CDKAL1: variants seen among roughly 807,000 people sequenced by gnomAD.
The protein encoded by CDKAL1 is CDKAL1 threonylcarbamoyladenosine tRNA methylthiotransferase, also known as threonylcarbamoyladenosine tRNA methylthiotransferase.
Under a neutral mutation model 68.2 loss-of-function variants are expected in CDKAL1, and 32 were observed. The observed-to-expected ratio is 0.47, with a 90% CI of 0.35 to 0.63. CDKAL1 has a LOEUF of 0.63. Among genes scored for constraint, CDKAL1 ranks in the 30% least tolerant of loss-of-function variants. The pLI is 0.00. For synonymous variants in CDKAL1, 234 were observed against 244.3 expected (o/e 0.96, Z 0.39); for missense variants, 606 against 696.7 (o/e 0.87, Z 1.47).
intron 10 of CDKAL1, among the ~76,000 whole-genome samples, chr6:20,963,342 C>T (rs1019918785): frequency 6.6e-6 from 1 of 151,972 alleles, no homozygotes; most frequent in Non-Finnish European, 1.5e-5. Context: ...TCTGCCCATA[C>T]CTGGGTCTCG....
intron 4 of CDKAL1, among the ~76,000 whole-genome samples, chr6:20,630,518 T>G (rs1198152026): frequency 6.6e-6 from 1 of 152,092 alleles, no homozygotes; most frequent in Admixed American, 6.5e-5. Context: ...TTTTTCTACC[T>G]TTTCATGAAG....
At chr6:20,772,409 T>C (rs928901608) in intron 7 of CDKAL1, among the ~76,000 whole-genome samples, 8 of 152,190 alleles carry the variant, frequency 5.3e-5, no homozygotes, top group African/African-American at 1.9e-4. Context: ...ATTTGGATTC[T>C]GAAAAGATAA....
intron 5 of CDKAL1, among the ~76,000 whole-genome samples, chr6:20,667,000 A>G (rs1446363311): frequency 7.9e-6 from 1 of 126,758 alleles, no homozygotes; most frequent in Non-Finnish European, 1.6e-5. Context: ...TCTAAAACAA[A>G]TGTCTATGTT....
intron 13 of CDKAL1, among the ~76,000 whole-genome samples, chr6:21,172,941 T>C (rs766586984): frequency 2.6e-5 from 4 of 152,044 alleles, no homozygotes; most frequent in Non-Finnish European, 5.9e-5. Context: ...TCATATTTAT[T>C]AGCATAGAGT....
rs560402283 is a variant in CDKAL1 at position 21,208,745 on chromosome 6, T to C, written c.1548+7471T>C. Among the ~76,000 whole-genome samples, 10 of 152,368 alleles carry C rather than the reference T, an allele frequency of 6.6e-5. No homozygotes were observed. In the South Asian group the frequency reaches 1.9e-3, roughly 28 times the overall value. ...CATTTTGTATCTTGTTAGTTTCTTT[T>C]ACAGACTGGTTAGGACGTATTTGAG... is the stretch of plus-strand genomic sequence containing the variant. On this transcript the variant is annotated intron_variant, in intron 15 of 15. Coordinates refer to ENST00000274695, the MANE Select transcript of CDKAL1 (RefSeq NM_017774.3).
intron 12 of CDKAL1, among the ~76,000 whole-genome samples, chr6:21,067,969 T>C (rs909984271): frequency 2.4e-4 from 36 of 152,180 alleles, no homozygotes; most frequent in Non-Finnish European, 2.9e-4. Flanking sequence ...TTTGAGTGTC[T>C]TTTATATGTT....
intron 10 of CDKAL1, among the ~76,000 whole-genome samples, chr6:20,999,401 C>T (rs994229245): frequency 2.0e-5 from 3 of 151,988 alleles, no homozygotes; most frequent in African/African-American, 4.8e-5. Flanking sequence ...AGAACTTCAC[C>T]TCTGTCACTC....
intron 9 of CDKAL1, among the ~76,000 whole-genome samples, chr6:20,954,958 A>G (rs1260279488): frequency 6.6e-6 from 1 of 152,072 alleles, no homozygotes; most frequent in Admixed American, 6.5e-5. Context: ...TATAATTAAT[A>G]ATATGTGAGC....
At chr6:21,008,374 G>C (rs1767840458) in intron 11 of CDKAL1, among the ~76,000 whole-genome samples, 1 of 152,132 alleles carries the variant, frequency 6.6e-6, no homozygotes, top group Non-Finnish European at 1.5e-5. Context: ...AAAGGAAAAA[G>C]GATTCTGTGG....
intron 7 of CDKAL1, among the ~76,000 whole-genome samples, chr6:20,762,232 C>T (rs374077430): frequency 6.6e-6 from 1 of 152,032 alleles, no homozygotes; most frequent in Non-Finnish European, 1.5e-5. Flanking sequence ...TACTGATGAG[C>T]GTGGACTTGA....
intron 12 of CDKAL1, among the ~76,000 whole-genome samples, chr6:21,102,828 G>C (rs969745454): frequency 6.6e-6 from 1 of 152,166 alleles, no homozygotes; most frequent in Admixed American, 6.5e-5. Flanking sequence ...TCCAGTTCGT[G>C]AGTTGCCTTG....
chr6:21,114,773 G>A (rs900091966), intron 13 of CDKAL1, among the ~76,000 whole-genome samples: 3 of 151,972 alleles, frequency 2.0e-5, no homozygotes, highest in African/African-American at 7.3e-5. Flanking sequence ...GATAAAAGAC[G>A]GCACTAGGCA....
rs192196881 is a variant in CDKAL1 at position 21,114,970 on chromosome 6, T to A, written c.1299+6507T>A. Among the ~76,000 whole-genome samples the A allele has an allele frequency of 5.1e-3, 770 of 152,268 alleles. 7 individuals are homozygous for A. Among genetic ancestry groups the A allele is most frequent in the African/African-American group, 0.018 (736 of 41,564 alleles). ...ATATCTACTAGTGTACAGTAAAATA[T>A]TATATAATAAAAATGTAAAATATTT... On this transcript the variant is annotated intron_variant, in intron 13 of 15. Coordinates refer to ENST00000274695, the MANE Select transcript of CDKAL1 (RefSeq NM_017774.3).
chr6:20,813,641 G>A (rs1776914571), intron 8 of CDKAL1, among the ~76,000 whole-genome samples: 1 of 152,152 alleles, frequency 6.6e-6, no homozygotes, highest in African/African-American at 2.4e-5. Flanking sequence ...TGAAATAAGA[G>A]TTGAGGTGCT....
At chr6:20,962,107 A>G (rs73375741) in intron 10 of CDKAL1, among the ~76,000 whole-genome samples, 1,650 of 152,352 alleles carry the variant, frequency 0.011, 30 homozygotes, top group African/African-American at 0.036. Flanking sequence ...GACTATTCCT[A>G]TATTCAAATT....
chr6:21,010,864 A>T (rs775086205), intron 11 of CDKAL1, among the ~76,000 whole-genome samples: 26 of 152,006 alleles, frequency 1.7e-4, no homozygotes, highest in Non-Finnish European at 3.1e-4. Flanking sequence ...CGGGCAGATC[A>T]TGAGGTCTGG....
chr6:21,066,575 C>A (rs1317516471), intron 12 of CDKAL1, among the ~76,000 whole-genome samples: 1 of 152,106 alleles, frequency 6.6e-6, no homozygotes, highest in Non-Finnish European at 1.5e-5. Context: ...TAGAACAATT[C>A]CATTAGCCCC....
intron 9 of CDKAL1, among the ~76,000 whole-genome samples, chr6:20,927,493 T>C (rs977180507): frequency 1.3e-5 from 2 of 152,192 alleles, no homozygotes; most frequent in Non-Finnish European, 2.9e-5. Context: ...AATAATGCAA[T>C]AGGAGTACAC....
chr6:20,994,252 G>T (rs936861963), intron 10 of CDKAL1, among the ~76,000 whole-genome samples: 3 of 152,210 alleles, frequency 2.0e-5, no homozygotes, highest in Non-Finnish European at 2.9e-5. Flanking sequence ...TCCAAGGCAG[G>T]GGGATCACCT....
Sources: gnomAD v4.1 joint callset for allele counts (sites outside exome capture counted in the v4.1 genomes callset) on GRCh38, gnomAD v4.1.1 for gene constraint, MANE v1.5 for transcripts, NCBI Gene and HGNC (gene_info 2026-07-23, HGNC 2026-07-21) for gene names.